The following AFF3 variants were observed in gnomAD, a reference collection of about 807,000 sequenced individuals.
AFF3 encodes ALF transcription elongation factor 3, also known as AF4/FMR2 family member 3.
In AFF3, 32 loss-of-function variants were observed where a neutral mutation model predicts 129.7. The observed-to-expected ratio is 0.25, with a 90% confidence interval of 0.19 to 0.33. The LOEUF (loss-of-function observed/expected upper bound fraction) is 0.33. AFF3 is among the 10% of genes least tolerant of loss of function. AFF3 has a pLI of 1.00. For missense variants in AFF3, 1,373 were observed against 1,592.0 expected (o/e 0.86, Z 2.34); for synonymous variants, 644 against 635.4 (o/e 1.01, Z -0.20).
At chr2:99,726,361 C>T (rs970344998) in intron 11 of AFF3, among the ~76,000 whole-genome samples, 15 of 152,182 alleles carry the variant, frequency 9.9e-5, no homozygotes, top group African/African-American at 3.1e-4. Context: ...TAAGAAAACA[C>T]ATGCCACTGC....
At chr2:100,092,296 G>A (rs1483328622) in intron 4 of AFF3, among the ~76,000 whole-genome samples, 1 of 151,694 alleles carries the variant, frequency 6.6e-6, no homozygotes, top group Non-Finnish European at 1.5e-5. Flanking sequence ...CAGAAAATGA[G>A]TGAATACTGT....
intron 11 of AFF3, among the ~76,000 whole-genome samples, chr2:99,696,798 C>T (rs569978783): frequency 6.6e-6 from 1 of 152,270 alleles, no homozygotes; most frequent in South Asian, 2.1e-4. Context: ...CACGCGCCAC[C>T]ATGCCCAGCT....
chr2:100,001,480 C>A (rs1681406318), intron 7 of AFF3, among the ~76,000 whole-genome samples: 1 of 152,222 alleles, frequency 6.6e-6, no homozygotes, highest in Non-Finnish European at 1.5e-5. Flanking sequence ...CCAGACTGGA[C>A]TGCAGTGGCA....
At chr2:99,928,626 T>C (rs1696450119) in intron 7 of AFF3, among the ~76,000 whole-genome samples, 1 of 152,220 alleles carries the variant, frequency 6.6e-6, no homozygotes, top group Non-Finnish European at 1.5e-5. Context: ...GTTAGGTTCC[T>C]CTTTTTATCG....
At chr2:99,636,735 C>A (rs924844920) in intron 13 of AFF3, among the ~76,000 whole-genome samples, 1 of 152,166 alleles carries the variant, frequency 6.6e-6, no homozygotes, top group African/African-American at 2.4e-5. Context: ...CCAGCCACAG[C>A]CGGGAGCCAG....
chr2:99,799,663 A>G (rs1051931074), intron 8 of AFF3, among the ~76,000 whole-genome samples: 2 of 152,144 alleles, frequency 1.3e-5, no homozygotes, highest in Non-Finnish European at 2.9e-5. Context: ...AATAACCAAA[A>G]TAACTTGAAA....
At chr2:100,093,105 A>G (rs1689994896) in intron 4 of AFF3, among the ~76,000 whole-genome samples, 1 of 152,170 alleles carries the variant, frequency 6.6e-6, no homozygotes, top group African/African-American at 2.4e-5. Flanking sequence ...GCTCTAAAAC[A>G]TTACCTTTTT....
intron 4 of AFF3, among the ~76,000 whole-genome samples, chr2:100,064,528 A>T (rs1687563819): frequency 6.6e-6 from 1 of 152,220 alleles, no homozygotes; most frequent in Admixed American, 6.5e-5. Context: ...GTGTGTTTTC[A>T]ACTTAACACA....
chr2:99,861,344 T>C (rs984600077), intron 7 of AFF3, among the ~76,000 whole-genome samples: 1 of 151,990 alleles, frequency 6.6e-6, no homozygotes, highest in African/African-American at 2.4e-5. Flanking sequence ...ATATGGGGAG[T>C]AGAGAAGTGG....
intron 7 of AFF3, among the ~76,000 whole-genome samples, chr2:100,001,274 C>T (rs1681384885): frequency 6.6e-6 from 1 of 152,102 alleles, no homozygotes; most frequent in African/African-American, 2.4e-5. Flanking sequence ...TCTGAAGGAG[C>T]CCAGAGAGGA....
At chr2:99,660,947 A>G (rs1033966679) in intron 12 of AFF3, among the ~76,000 whole-genome samples, 5 of 152,236 alleles carry the variant, frequency 3.3e-5, no homozygotes, top group African/African-American at 1.2e-4. Flanking sequence ...CTTGTGAGAT[A>G]ACCAGCCCTA....
At chr2:99,555,938 A>C (rs1240024642) in intron 22 of AFF3, among the ~76,000 whole-genome samples, 1 of 152,222 alleles carries the variant, frequency 6.6e-6, no homozygotes, top group East Asian at 1.9e-4. Context: ...GAGAATTAGG[A>C]AACCTTCCTG....
chr2:99,667,130 T>C (rs950119126), intron 12 of AFF3, among the ~76,000 whole-genome samples: 2 of 152,108 alleles, frequency 1.3e-5, no homozygotes, highest in South Asian at 2.1e-4. Flanking sequence ...ACAAACCATA[T>C]CTTGGGTCAT....
At chr2:99,618,297 G>A (rs60357076) in intron 13 of AFF3, among the ~76,000 whole-genome samples, 2 of 138,046 alleles carry the variant, frequency 1.4e-5, no homozygotes, top group Non-Finnish European at 1.5e-5. Context: ...GTACAGTGGC[G>A]CTATCTTGGC....
rs372465589 is a variant in AFF3, at chr2:99,870,898, CT to C, written c.874-33375del. On this transcript the variant is annotated intron_variant, in intron 7 of 24. Coordinates refer to ENST00000672756, the MANE Select transcript of AFF3 (RefSeq NM_001386135.1). ...AACTGGGCTGCCTGAGTTCAAGCCT[CT>C]TTGTATCTCAGTTTGTTCTCCTATA... Among the ~76,000 whole-genome samples, 45 of 152,316 alleles carry C rather than the reference CT, an allele frequency of 3.0e-4. No individual in the cohort carries two copies. In the South Asian group the frequency reaches 9.1e-3, roughly 31 times the overall value.
At chr2:99,713,543 A>G (rs1678104485) in intron 11 of AFF3, among the ~76,000 whole-genome samples, 1 of 152,114 alleles carries the variant, frequency 6.6e-6, no homozygotes, top group South Asian at 2.1e-4. Flanking sequence ...CTAGGATTAC[A>G]GACAATTAAA....
At chr2:99,627,882 C>A (rs758657095) in intron 13 of AFF3, among the ~76,000 whole-genome samples, 1 of 151,782 alleles carries the variant, frequency 6.6e-6, no homozygotes. Flanking sequence ...AGGTGTATGG[C>A]CTTTTTTCTG....
At chr2:99,657,426 T>C (rs1158004788) in intron 12 of AFF3, among the ~76,000 whole-genome samples, 2 of 152,276 alleles carry the variant, frequency 1.3e-5, no homozygotes, top group Non-Finnish European at 2.9e-5. Context: ...CTCATGACAA[T>C]TTTATTTTTG....
At chr2:99,983,343 C>CTGT (rs1356262036) in intron 7 of AFF3, among the ~76,000 whole-genome samples, 3 of 152,160 alleles carry the variant, frequency 2.0e-5, no homozygotes, top group Non-Finnish European at 4.4e-5. Context: ...CAGGTAAAGG[C>CTGT]TGTTCCCCAA....
Sources: allele counts gnomAD v4.1 joint callset (sites outside exome capture counted in the v4.1 genomes callset), GRCh38; gene constraint gnomAD v4.1.1; transcripts MANE v1.5; gene names NCBI Gene and HGNC (gene_info 2026-07-23, HGNC 2026-07-21).